PCDHGB5: variants seen among roughly 807,000 people sequenced by gnomAD.
PCDHGB5 encodes the protein protocadherin gamma-B5.
Under a neutral mutation model 62.9 loss-of-function variants are expected in PCDHGB5, and 48 were observed. That is an observed-to-expected ratio of 0.76 (90% CI 0.61 to 0.97). PCDHGB5 has a LOEUF of 0.97. Ranked by LOEUF, PCDHGB5 falls within the 50% of genes least tolerant of loss-of-function variation. The pLI is 0.00. For synonymous variants in PCDHGB5, 474 were observed against 511.2 expected (o/e 0.93, Z 0.98); for missense variants, 1,118 against 1,198.6 (o/e 0.93, Z 0.99).
intron 1 of PCDHGB5, chr5:141,426,778 C>A (rs780981970): frequency 2.2e-6 from 1 of 456,716 alleles, no homozygotes; most frequent in South Asian, 1.5e-5. Context: ...GGGCCTCACT[C>A]TCTCCAGAGT....
rs764957747 is a variant in PCDHGB5, at chr5:141,505,453, G to A, written c.2517G>A (p.Leu839=). Residue 839 remains leucine (L), a synonymous_variant, in exon 3 of 4, where the codon CTG becomes CTA. Coordinates refer to ENST00000617380, the MANE Select transcript of PCDHGB5 (RefSeq NM_018925.3). ...ACAACCAGTTTGACACAGAGATGCT[G>A]CAAGCCATGATCTTGGCGTCCGCCA... ...WPNNQFDTEM[L]QAMILASASE... 3 of 1,614,190 alleles carry A rather than the reference G, an allele frequency of 1.9e-6. No individual in the cohort carries two copies. Among genetic ancestry groups the A allele is most frequent in the Non-Finnish European group, 2.5e-6 (3 of 1,180,012 alleles).
chr5:141,489,151 AAG>A lies in PCDHGB5; in HGVS notation c.2398-5652_2398-5651del. ...TTTTTAAGAGGCTGGAAGGAGACAT[AAG>A]AGACTTCAGCTGCTGCATTCCAAGC... On this transcript the variant is annotated intron_variant, in intron 1 of 3. Coordinates refer to ENST00000617380, the MANE Select transcript of PCDHGB5 (RefSeq NM_018925.3). The surrounding 1 kb of genome is among the most constrained non-coding windows in gnomAD (Gnocchi z 4.5). The A allele has an allele frequency of 1.1e-6, 1 of 932,970 alleles. No homozygotes were observed. The highest frequency in any genetic ancestry group is 1.6e-6 in the Non-Finnish European group (1 of 622,054). 57.8% of individuals were successfully genotyped at this position (932,970 alleles called of 1,614,324 possible).
Position 141,431,972 on chromosome 5 carries a change from G to T in PCDHGB5, c.2397+31448G>T, listed in dbSNP as rs750484866. On this transcript the variant is annotated intron_variant, in intron 1 of 3. Coordinates refer to ENST00000617380, the MANE Select transcript of PCDHGB5 (RefSeq NM_018925.3). The surrounding 1 kb of genome is among the most constrained non-coding windows in gnomAD (Gnocchi z 4.8). ...ATCTTACGGAAATTACTATAGTTTA[G>T]TCACAGACATAGTCTTGGATAGGGA... is the stretch of plus-strand genomic sequence containing the variant. The T allele has an allele frequency of 8.1e-6, 13 of 1,614,072 alleles. No homozygotes were observed. Among genetic ancestry groups the T allele is most frequent in the Non-Finnish European group, 1.1e-5 (13 of 1,180,028 alleles).
At chr5:141,447,390 G>A (rs1048677634) in intron 1 of PCDHGB5, among the ~76,000 whole-genome samples, 4 of 151,976 alleles carry the variant, frequency 2.6e-5, no homozygotes, top group Admixed American at 6.6e-5. Flanking sequence ...TGCCCACCTC[G>A]GCCTCCCAAA....
chr5:141,476,190 C>T lies in PCDHGB5; in HGVS notation c.2398-18617C>T. On this transcript the variant is annotated intron_variant, in intron 1 of 3. Transcript: ENST00000617380. The surrounding 1 kb of genome is among the most constrained non-coding windows in gnomAD (Gnocchi z 7.6). ...GTGGGAGTTTTGCTTCTGCTTGGTG[C>T]CTTGAACAAGGCTTCCACGGTCATT... is the stretch of plus-strand genomic sequence containing the variant. 3.1e-6 allele frequency: 5 copies of T among 1,613,694 alleles called. No individual in the cohort carries two copies. The highest frequency in any genetic ancestry group is 4.2e-6 in the Non-Finnish European group (5 of 1,179,988).
Position 141,489,576 on chromosome 5 carries a change from C to G in PCDHGB5, c.2398-5231C>G. 6.2e-7 allele frequency: 1 copy of G among 1,614,054 alleles called. No individual in the cohort carries two copies. Among genetic ancestry groups the G allele is most frequent in the Non-Finnish European group, 8.5e-7 (1 of 1,179,976 alleles). On this transcript the variant is annotated intron_variant, in intron 1 of 3. Coordinates refer to ENST00000617380, the MANE Select transcript of PCDHGB5 (RefSeq NM_018925.3). This position sits in a 1 kb window ranked among gnomAD's most constrained non-coding sequence, Gnocchi z 4.5. ...TGCCAGTGCAGGTGGTGACTGAACA[C>G]CCCCTGGAGCTAATCCGTGTAGAGG...
In PCDHGB5 at chr5:141,399,495, T is replaced by G. The variant is rs779594817; in HGVS notation, c.1368T>G (p.Ser456Arg). Residue 456 changes from serine (S) to arginine (R), a missense_variant, in exon 1 of 4, where the codon AGT (serine) becomes AGG (arginine). Transcript: ENST00000617380. Reference protein sequence around the residue: ...PVFHQASYLVSVPENNPPGAS... With the variant: ...PVFHQASYLVRVPENNPPGAS... ...TCCACCAGGCGTCCTACTTAGTCAGTGTACCCGAAAACAACCCTCCTGGGG... is the reference window on the plus strand; with the variant it reads ...TCCACCAGGCGTCCTACTTAGTCAGGGTACCCGAAAACAACCCTCCTGGGG... 1.1e-5 allele frequency: 18 copies of G among 1,613,916 alleles called. No individual in the cohort carries two copies. Among genetic ancestry groups the G allele is most frequent in the Non-Finnish European group, 1.5e-5 (18 of 1,179,912 alleles).
At chr5:141,422,639 C>A (rs777330051) in intron 1 of PCDHGB5, 1 of 1,612,780 alleles carries the variant, frequency 6.2e-7, no homozygotes, top group South Asian at 1.1e-5. Context: ...AGGGGTGCCT[C>A]CATCTTCTCA....
chr5:141,419,842 C>A, intron 1 of PCDHGB5: 1 of 1,614,074 alleles, frequency 6.2e-7, no homozygotes, highest in South Asian at 1.1e-5. Flanking sequence ...CCACGCTGCA[C>A]CTGGTGTTCG....
chr5:141,430,997 C>T, intron 1 of PCDHGB5: 1 of 1,613,926 alleles, frequency 6.2e-7, no homozygotes, highest in Non-Finnish European at 8.5e-7. Context: ...CCTGAATCCG[C>T]GCAGCGGCAG....
In PCDHGB5 at chr5:141,399,214, G is replaced by A; in HGVS notation, c.1087G>A (p.Ala363Thr). 6.2e-7 allele frequency: 1 copy of A among 1,613,956 alleles called. No individual in the cohort carries two copies. The highest frequency in any genetic ancestry group is 1.3e-5 in the African/African-American group (1 of 75,048). Reference protein sequence around the residue: ...LENAVPGTLIALIKIHDQDSG... With the variant: ...LENAVPGTLITLIKIHDQDSG... ...AAACGCGGTGCCTGGAACACTAATTGCTTTGATCAAAATACATGACCAAGA... is the reference window on the plus strand; with the variant it reads ...AAACGCGGTGCCTGGAACACTAATTACTTTGATCAAAATACATGACCAAGA... Residue 363 changes from alanine (A) to threonine (T), a missense_variant, in exon 1 of 4, where the codon GCT becomes ACT. Physicochemically the swap from Ala to Thr is moderately conservative, Grantham distance 58. Around this residue, in one of 2 missense-constraint regions of PCDHGB5, gnomAD observed 1,034 missense variants for 1,029.1 expected, o/e 1.00. Coordinates refer to ENST00000617380, the MANE Select transcript of PCDHGB5 (RefSeq NM_018925.3).
chr5:141,423,564 G>A (rs2096754933), intron 1 of PCDHGB5: 2 of 1,613,444 alleles, frequency 1.2e-6, no homozygotes, highest in Non-Finnish European at 1.7e-6. Context: ...ATGGGGACAC[G>A]CTCATCAGCC....
intron 1 of PCDHGB5, chr5:141,414,054 G>A: frequency 6.2e-7 from 1 of 1,610,250 alleles, no homozygotes; most frequent in Non-Finnish European, 8.5e-7. Flanking sequence ...ACACGCAATT[G>A]TTGAAGTTCC....
chr5:141,419,763 A>T, intron 1 of PCDHGB5: 1 of 1,614,014 alleles, frequency 6.2e-7, no homozygotes, highest in South Asian at 1.1e-5. Flanking sequence ...TTGGGTGACA[A>T]GGACTCGGTC....
At chr5:141,500,182 ATT>A (rs1199992745) in intron 2 of PCDHGB5, among the ~76,000 whole-genome samples, 2 of 131,622 alleles carry the variant, frequency 1.5e-5, no homozygotes, top group African/African-American at 3.1e-5. Flanking sequence ...CTTCATTTTT[ATT>A]TTTATTTATT....
rs372648693 is a variant in PCDHGB5, at chr5:141,417,997, G to A, written c.2397+17473G>A. 244 of 1,613,872 alleles carry A rather than the reference G, an allele frequency of 1.5e-4. No homozygotes were observed. The Middle Eastern group carries it at 3.5e-3, about 23-fold the overall frequency. On this transcript the variant is annotated intron_variant, in intron 1 of 3. Transcript: ENST00000617380. ...CGGAGGAGCTGGCCAAGGGCTCGGT[G>A]GTGGGGAACCTCGCTAAGGATCTAG...
chr5:141,456,026 T>A (rs2098840894), intron 1 of PCDHGB5, among the ~76,000 whole-genome samples: 1 of 151,690 alleles, frequency 6.6e-6, no homozygotes, highest in African/African-American at 2.4e-5. Context: ...GCCTCCCGAG[T>A]AGCTGGGACT....
intron 3 of PCDHGB5, 124 bp from the exon 4 acceptor site, chr5:141,510,823 C>A: frequency 6.4e-7 from 1 of 1,562,432 alleles, no homozygotes. Context: ...CCTATATTCC[C>A]AGTGCTCAGC....
chr5:141,398,287 C>G lies in PCDHGB5; in HGVS notation c.160C>G (p.Leu54Val). Reference sequence around the variant, plus strand: ...CGTAGTGGGGAACCTCGCCACGGACCTGGGGTTCAGCGTCCAGGAGTTACC... The same window carrying G: ...CGTAGTGGGGAACCTCGCCACGGACGTGGGGTTCAGCGTCCAGGAGTTACC... ...GSVVGNLATD[L>V]GFSVQELPTR... The change falls in exon 1 of 4, where the codon CTG becomes GTG. Residue 54 changes from leucine (L) to valine (V), a missense_variant. Leu to Val is a conservative substitution (Grantham distance 32). Coordinates refer to ENST00000617380, the MANE Select transcript of PCDHGB5 (RefSeq NM_018925.3). 7.2e-7 allele frequency: 1 copy of G among 1,396,196 alleles called. No individual in the cohort carries two copies. Among genetic ancestry groups the G allele is most frequent in the Non-Finnish European group, 9.8e-7 (1 of 1,019,426 alleles). The allele number at this position is 1,396,196 out of a possible 1,614,324, so 86.5% of individuals were successfully genotyped here. A position where few individuals can be genotyped will look rare whatever the true frequency, so the allele number is the denominator to read the frequency against.
Sources: allele counts gnomAD v4.1 joint callset (sites outside exome capture counted in the v4.1 genomes callset), GRCh38; gene constraint gnomAD v4.1.1; regional missense constraint gnomAD v4.1.1; non-coding constraint Gnocchi (gnomAD v3.1); transcripts MANE v1.5; gene names NCBI Gene and HGNC (gene_info 2026-07-23, HGNC 2026-07-21).